DCC: variants seen among roughly 807,000 people sequenced by gnomAD.
DCC encodes the protein netrin receptor DCC.
Under a neutral mutation model 172.5 loss-of-function variants are expected in DCC, and 58 were observed. That is an observed-to-expected ratio of 0.34 (90% CI 0.27 to 0.42). The LOEUF (loss-of-function observed/expected upper bound fraction) is 0.42. DCC is among the 10% of genes least tolerant of loss of function. DCC has a pLI of 1.00. For missense variants in DCC, 1,740 were observed against 1,791.0 expected (o/e 0.97, Z 0.51); for synonymous variants, 709 against 644.5 (o/e 1.10, Z -1.52).
chr18:53,130,324 A>G (rs1380877424), intron 7 of DCC, among the ~76,000 whole-genome samples: 1 of 152,136 alleles, frequency 6.6e-6, no homozygotes, highest in Admixed American at 6.5e-5. Context: ...TTTCCCAGAG[A>G]AAAAAACACA....
At chr18:53,401,730 G>A (rs1370963168) in intron 18 of DCC, among the ~76,000 whole-genome samples, 1 of 152,134 alleles carries the variant, frequency 6.6e-6, no homozygotes, top group Non-Finnish European at 1.5e-5. Flanking sequence ...TAGACTAAGG[G>A]TAGCAAAGTT....
chr18:52,586,082 C>CAAAAAAAAAAAA (rs5824949), intron 1 of DCC, among the ~76,000 whole-genome samples: 1 of 73,226 alleles, frequency 1.4e-5, no homozygotes, highest in Non-Finnish European at 2.4e-5. Context: ...GACTCCGTCT[C>CAAAAAAAAAAAA]AAAAAAAAAA....
At chr18:53,371,031 G>A (rs2058056026) in intron 15 of DCC, among the ~76,000 whole-genome samples, 1 of 151,768 alleles carries the variant, frequency 6.6e-6, no homozygotes, top group Non-Finnish European at 1.5e-5. Context: ...ATTATTGTTG[G>A]CAAAGTCTTT....
chr18:52,342,130 TCAGA>T (rs1480483220), intron 1 of DCC, among the ~76,000 whole-genome samples: 1 of 152,098 alleles, frequency 6.6e-6, no homozygotes, highest in Non-Finnish European at 1.5e-5. Context: ...CGCGAGGGAT[TCAGA>T]CAGTCAAGCG....
chr18:52,502,305 A>AG (rs2144629315), intron 1 of DCC, among the ~76,000 whole-genome samples: 1 of 152,340 alleles, frequency 6.6e-6, no homozygotes, highest in South Asian at 2.1e-4. Context: ...AAGAATATTG[A>AG]CTATATCTCA....
At chr18:52,563,034 ACT>A (rs1363742177) in intron 1 of DCC, among the ~76,000 whole-genome samples, 2 of 152,160 alleles carry the variant, frequency 1.3e-5, no homozygotes, top group Non-Finnish European at 2.9e-5. Flanking sequence ...AAACTCTGAT[ACT>A]TTTTGACCAG....
intron 1 of DCC, among the ~76,000 whole-genome samples, chr18:52,749,168 G>A (rs2145127648): frequency 6.6e-6 from 1 of 152,124 alleles, no homozygotes; most frequent in South Asian, 2.1e-4. Flanking sequence ...CTCCAGCCTG[G>A]GAGACAGAGC....
chr18:53,159,411 G>T (rs1283327121), intron 8 of DCC, among the ~76,000 whole-genome samples: 1 of 152,084 alleles, frequency 6.6e-6, no homozygotes, highest in African/African-American at 2.4e-5. Context: ...CTTGGCCATA[G>T]CTCAGCCATG....
intron 27 of DCC, among the ~76,000 whole-genome samples, chr18:53,512,019 A>G (rs2046262036): frequency 6.6e-6 from 1 of 152,208 alleles, no homozygotes; most frequent in African/African-American, 2.4e-5. Flanking sequence ...GGCAGGGCAC[A>G]GACAAAAAGA....
At chr18:53,311,585 T>C (rs1021287967) in intron 13 of DCC, among the ~76,000 whole-genome samples, 2 of 152,236 alleles carry the variant, frequency 1.3e-5, no homozygotes. Context: ...CACTTTATTG[T>C]GAGTGATTAA....
rs200116752 is a variant in DCC, at chr18:53,205,234, T to C, written c.1592T>C (p.Val531Ala). 1.5e-4 allele frequency: 242 copies of C among 1,613,340 alleles called. 1 individual carries two copies. The highest frequency in any genetic ancestry group is 1.9e-4 in the Non-Finnish European group (220 of 1,179,390). Residue 531 changes from valine to alanine, a missense_variant, in exon 10 of 29, where the codon GTA becomes GCA. Physicochemically the swap from Val to Ala is moderately conservative, Grantham distance 64 (BLOSUM62 0). Coordinates refer to ENST00000442544, the MANE Select transcript of DCC (RefSeq NM_005215.4). ...TQPELQVPGPVENLQAVSTSP... is the reference protein window; with the variant it reads ...TQPELQVPGPAENLQAVSTSP... The stretch of plus-strand genomic sequence containing the variant: ...TATACAGTGCAAGTTCCAGGGCCAG[T>C]AGAAAACCTGCAAGCTGTATCTACC...
chr18:52,868,200 G>A (rs1009258478), intron 2 of DCC, among the ~76,000 whole-genome samples: 2 of 151,826 alleles, frequency 1.3e-5, no homozygotes, highest in African/African-American at 4.8e-5. Flanking sequence ...TGATGATTAG[G>A]ATTTTTACTG....
chr18:52,659,047 G>A (rs17749072), intron 1 of DCC, among the ~76,000 whole-genome samples: 11,185 of 152,088 alleles, frequency 0.074, 567 homozygotes, highest in South Asian at 0.2. Flanking sequence ...TGTTGTTCTA[G>A]CCTGTGGCAA....
At chr18:52,987,346 C>T (rs868377079) in intron 5 of DCC, among the ~76,000 whole-genome samples, 1 of 152,068 alleles carries the variant, frequency 6.6e-6, no homozygotes, top group East Asian at 1.9e-4. Flanking sequence ...ACAGATAAGA[C>T]AAAATGCCAA....
intron 1 of DCC, among the ~76,000 whole-genome samples, chr18:52,486,700 G>A (rs1019768896): frequency 1.3e-5 from 2 of 152,084 alleles, no homozygotes; most frequent in African/African-American, 4.8e-5. Context: ...ACAAATCTGC[G>A]AGTCTTATAT....
At chr18:52,670,049 G>C (rs970877299) in intron 1 of DCC, among the ~76,000 whole-genome samples, 1 of 152,146 alleles carries the variant, frequency 6.6e-6, no homozygotes. Flanking sequence ...CCAACACTAA[G>C]GCTCTGAGGG....
Position 52,597,370 on chromosome 18 carries a change from T to C in DCC, c.92-154684T>C, listed in dbSNP as rs12458777. On this transcript the variant is annotated intron_variant, in intron 1 of 28. Coordinates refer to ENST00000442544, the MANE Select transcript of DCC (RefSeq NM_005215.4). The stretch of plus-strand genomic sequence containing the variant: ...TTCCACTAGCCTGCCCAACTTGGTA[T>C]TCAGAGTGGGTTCATTACAAAGAAT... Among the ~76,000 whole-genome samples, 821 of 152,308 alleles carry C rather than the reference T, an allele frequency of 5.4e-3. 18 individuals carry two copies. Among genetic ancestry groups the C allele is most frequent in the Admixed American group, 0.037 (571 of 15,300 alleles).
intron 5 of DCC, among the ~76,000 whole-genome samples, chr18:53,013,921 C>A (rs940810768): frequency 2.0e-5 from 3 of 152,064 alleles, no homozygotes; most frequent in African/African-American, 7.2e-5. Flanking sequence ...ACGAACACAA[C>A]AATAACCATA....
chr18:52,861,011 C>CAAAAA (rs74178687), intron 2 of DCC, among the ~76,000 whole-genome samples: 1 of 120,974 alleles, frequency 8.3e-6, no homozygotes, highest in Admixed American at 9.6e-5. Flanking sequence ...GAATCCATTT[C>CAAAAA]AAAAAAAAAA....
Sources: allele counts gnomAD v4.1 joint callset (sites outside exome capture counted in the v4.1 genomes callset), GRCh38; gene constraint gnomAD v4.1.1; transcripts MANE v1.5; gene names NCBI Gene and HGNC (gene_info 2026-07-23, HGNC 2026-07-21).